VSTM1: variants seen among roughly 807,000 people sequenced by gnomAD.
VSTM1 encodes the protein V-set and transmembrane domain containing 1, also known as V-set and transmembrane domain-containing protein 1.
Under a neutral mutation model 33.1 loss-of-function variants are expected in VSTM1, and 27 were observed. That is an observed-to-expected ratio of 0.82 (90% CI 0.60 to 1.12). The LOEUF is 1.12. VSTM1 is among the 50% of genes most tolerant of loss of function. The pLI is 0.00. For synonymous variants in VSTM1, 115 were observed against 110.3 expected (o/e 1.04, Z -0.27); for missense variants, 304 against 288.9 (o/e 1.05, Z -0.38).
intron 2 of VSTM1, 50 bp downstream of exon 2, chr19:54,058,647 T>C: frequency 6.2e-7 from 1 of 1,613,618 alleles, no homozygotes; most frequent in Non-Finnish European, 8.5e-7. Flanking sequence ...AAGGAAAAGG[T>C]CATGAAGCGT....
Position 54,052,160 on chromosome 19 carries a change from A to G in VSTM1, c.356-712T>C, listed in dbSNP as rs1224041322. On this transcript the variant is annotated intron_variant, in intron 3 of 8. Coordinates refer to ENST00000338372, the MANE Select transcript of VSTM1 (RefSeq NM_198481.4). The stretch of plus-strand genomic sequence containing the variant: ...ACGCCTGTAATCCCAGCACTTTGGG[A>G]GGCCGAGGCGGGCAGATCACAAGGT... 2.0e-5 allele frequency among the ~76,000 whole-genome samples: 3 copies of G among 151,860 alleles called. No homozygotes were observed. The East Asian group carries it at 5.9e-4, about 30-fold the overall frequency.
At chr19:54,052,228 C>G (rs972360614) in intron 3 of VSTM1, among the ~76,000 whole-genome samples, 3 of 150,852 alleles carry the variant, frequency 2.0e-5, no homozygotes, top group Admixed American at 6.6e-5. Flanking sequence ...GAAACCCCGT[C>G]TCTACTAAAA....
At chr19:54,060,387 G>T (rs1464939689) in intron 1 of VSTM1, among the ~76,000 whole-genome samples, 1 of 152,146 alleles carries the variant, frequency 6.6e-6, no homozygotes, top group Non-Finnish European at 1.5e-5. Context: ...TAGAATTTAG[G>T]TAGAAATTCT....
At chr19:54,050,564 C>T (rs1302954797) in intron 4 of VSTM1, among the ~76,000 whole-genome samples, 2 of 152,100 alleles carry the variant, frequency 1.3e-5, no homozygotes, top group East Asian at 1.9e-4. Flanking sequence ...AAACAACGCA[C>T]TCTGTGCTGT....
In VSTM1 at chr19:54,043,455, A is replaced by G. The variant is rs1351323435; in HGVS notation, c.395-1086T>C. 2.0e-5 allele frequency among the ~76,000 whole-genome samples: 3 copies of G among 151,566 alleles called. No individual in the cohort carries two copies. In the East Asian group the frequency reaches 5.8e-4, roughly 29 times the overall value. ...AGACAAAGTCTCACTCTTATCGTCC[A>G]GGCTGGAGTGCAATAGTGCAATCTT... On this transcript the variant is annotated intron_variant, in intron 4 of 8. Coordinates refer to ENST00000338372, the MANE Select transcript of VSTM1 (RefSeq NM_198481.4).
intron 1 of VSTM1, among the ~76,000 whole-genome samples, chr19:54,062,140 G>A (rs1323146202): frequency 6.9e-6 from 1 of 145,632 alleles, no homozygotes; most frequent in African/African-American, 2.5e-5. Context: ...GGGTGACAGA[G>A]CAAGACTCCG....
chr19:54,061,843 G>A (rs931918523), intron 1 of VSTM1, among the ~76,000 whole-genome samples: 2 of 151,638 alleles, frequency 1.3e-5, no homozygotes, highest in Admixed American at 6.6e-5. Context: ...CAGAGCCAAC[G>A]ATTGGAGTGA....
At chr19:54,044,027 C>T (rs1276942727) in intron 4 of VSTM1, among the ~76,000 whole-genome samples, 2 of 152,026 alleles carry the variant, frequency 1.3e-5, no homozygotes, top group African/African-American at 4.8e-5. Context: ...CCTCCTCACT[C>T]GGCCTCCAGG....
At chr19:54,041,265 G>C (rs2070248098) in intron 8 of VSTM1, among the ~76,000 whole-genome samples, 185 bp from the exon 9 acceptor site, 1 of 151,884 alleles carries the variant, frequency 6.6e-6, no homozygotes, top group Non-Finnish European at 1.5e-5. Flanking sequence ...GACATCAATG[G>C]ATCTGCGTAA....
chr19:54,063,196 G>T (rs1469822593), intron 1 of VSTM1, among the ~76,000 whole-genome samples: 1 of 152,024 alleles, frequency 6.6e-6, no homozygotes, highest in Non-Finnish European at 1.5e-5. Flanking sequence ...AAGTCAGCCG[G>T]GTGTGGTGGC....
intron 3 of VSTM1, among the ~76,000 whole-genome samples, chr19:54,057,517 A>T (rs1448887411): frequency 6.6e-6 from 1 of 151,510 alleles, no homozygotes; most frequent in Non-Finnish European, 1.5e-5. Flanking sequence ...TCTGTCAAAA[A>T]AAAAAAAAGC....
intron 3 of VSTM1, 137 bp from the exon 4 acceptor site, chr19:54,051,585 A>G: frequency 3.3e-6 from 2 of 613,372 alleles, no homozygotes; most frequent in South Asian, 2.4e-5. Flanking sequence ...CATTCCCTAG[A>G]TGCTCCCTGG....
At position 54,042,356 on chromosome 19, in the gene VSTM1, G is replaced by T. The variant is rs758838692; in HGVS notation, c.408C>A (p.Ile136=). ...AGATGCAGCTGAAGATGGCGACAAAGATGGTTCTGGTGTCTGGAGGGGGAA... is the reference window on the plus strand; with the variant it reads ...AGATGCAGCTGAAGATGGCGACAAATATGGTTCTGGTGTCTGGAGGGGGAA... ...APSMKTDTRT[I]FVAIFSCISI... The change falls in exon 5 of 9, where the codon ATC becomes ATA. Residue 136 remains isoleucine (I), a synonymous_variant. Coordinates refer to ENST00000338372, the MANE Select transcript of VSTM1 (RefSeq NM_198481.4). 6.8e-6 allele frequency: 11 copies of T among 1,613,722 alleles called. No homozygotes were observed. The highest frequency in any genetic ancestry group is 6.6e-5 in the South Asian group (6 of 91,044).
At chr19:54,047,939 A>G (rs1414187761) in intron 4 of VSTM1, among the ~76,000 whole-genome samples, 1 of 152,200 alleles carries the variant, frequency 6.6e-6, no homozygotes, top group East Asian at 1.9e-4. Context: ...AACAAGATAC[A>G]GCCTGACACG....
At chr19:54,048,405 T>C in intron 4 of VSTM1, 1 of 358,160 alleles carries the variant, frequency 2.8e-6, no homozygotes, top group African/African-American at 2.2e-5. Flanking sequence ...CGTGAGCCAC[T>C]GCGCCCGGCA....
chr19:54,060,449 C>T (rs748904445), intron 1 of VSTM1, among the ~76,000 whole-genome samples: 3 of 152,050 alleles, frequency 2.0e-5, no homozygotes, highest in South Asian at 2.1e-4. Context: ...ACACAGGTGC[C>T]GATACAGAAC....
Position 54,042,149 on chromosome 19 carries a change from G to A in VSTM1, c.515+20C>T. 6.2e-7 allele frequency: 1 copy of A among 1,613,942 alleles called. No homozygotes were observed. ...AATGACATGGGAATAAGTGGAGCAT[G>A]AGCTATGCCAAGCATCTACCTCTTG... is the stretch of plus-strand genomic sequence containing the variant. On this transcript the variant is annotated intron_variant, in intron 6 of 8. Transcript: ENST00000338372.
intron 4 of VSTM1, among the ~76,000 whole-genome samples, chr19:54,042,867 T>G (rs2070393088): frequency 7.1e-6 from 1 of 140,928 alleles, no homozygotes; most frequent in South Asian, 2.2e-4. Context: ...CACACTTTTT[T>G]TTTTTTGAGA....
At chr19:54,048,218 C>T (rs1346262857) in intron 4 of VSTM1, 16 of 198,686 alleles carry the variant, frequency 8.1e-5, no homozygotes, top group African/African-American at 1.4e-4. Context: ...TGGGCGCAAA[C>T]GATCTTTCTG....
Sources: gnomAD v4.1 joint callset for allele counts (sites outside exome capture counted in the v4.1 genomes callset) on GRCh38, gnomAD v4.1.1 for gene constraint, MANE v1.5 for transcripts, NCBI Gene and HGNC (gene_info 2026-07-23, HGNC 2026-07-21) for gene names.